The following GRIA1 variants were observed in gnomAD, a reference collection of about 807,000 sequenced individuals.
GRIA1 encodes the protein glutamate ionotropic receptor AMPA type subunit 1, also known as glutamate receptor 1.
Under a neutral mutation model 99.2 loss-of-function variants are expected in GRIA1, and 31 were observed. The observed-to-expected ratio is 0.31, with a 90% confidence interval of 0.23 to 0.42. The LOEUF (loss-of-function observed/expected upper bound fraction) is 0.42, where lower values mean the gene tolerates loss of function less well. GRIA1 is among the 10% of genes least tolerant of loss of function. The pLI, the probability that GRIA1 is intolerant of heterozygous loss-of-function variation, is 1.00. For synonymous variants in GRIA1, 438 were observed against 432.4 expected, an observed-to-expected ratio of 1.01 and a Z score of -0.16; for missense variants, 782 against 1,157.5, an observed-to-expected ratio of 0.68 and a Z score of 4.71.
At chr5:153,562,552 T>C (rs1386086606) in intron 2 of GRIA1, among the ~76,000 whole-genome samples, 1 of 152,224 alleles carries the variant, frequency 6.6e-6, no homozygotes, top group East Asian at 1.9e-4. Flanking sequence ...AATTCATGCA[T>C]GTCTTTGTAG....
chr5:153,788,481 T>A (rs1291648631), intron 13 of GRIA1, among the ~76,000 whole-genome samples: 1 of 152,188 alleles, frequency 6.6e-6, no homozygotes, highest in Non-Finnish European at 1.5e-5. Flanking sequence ...AATCCTGGCC[T>A]GCAGAGTCCC....
chr5:153,763,888 G>T (rs1223159344), intron 11 of GRIA1, among the ~76,000 whole-genome samples: 1 of 152,182 alleles, frequency 6.6e-6, no homozygotes, highest in Non-Finnish European at 1.5e-5. Context: ...ACAATGGTTG[G>T]ACTATGACTA....
chr5:153,810,429 A>G (rs1766737175), intron 15 of GRIA1, among the ~76,000 whole-genome samples: 1 of 152,252 alleles, frequency 6.6e-6, no homozygotes, highest in Admixed American at 6.5e-5. Context: ...TTTCTGAAGT[A>G]AATCAGAGGT....
chr5:153,780,123 CT>C (rs1302130833), intron 13 of GRIA1, among the ~76,000 whole-genome samples: 1 of 152,200 alleles, frequency 6.6e-6, no homozygotes, highest in Non-Finnish European at 1.5e-5. Flanking sequence ...AAAATAGCAT[CT>C]CTTTTTTTCC....
chr5:153,809,376 G>A (rs1766657201), intron 15 of GRIA1, among the ~76,000 whole-genome samples: 1 of 152,194 alleles, frequency 6.6e-6, no homozygotes. Context: ...TGGGTTTGAG[G>A]AGGAGACAGA....
At chr5:153,659,900 G>C (rs542495971) in intron 5 of GRIA1, among the ~76,000 whole-genome samples, 1 of 152,308 alleles carries the variant, frequency 6.6e-6, no homozygotes, top group Non-Finnish European at 1.5e-5. Flanking sequence ...GTGCCTTCTA[G>C]AGGAGTAATA....
chr5:153,537,239 T>C (rs1038441103), intron 2 of GRIA1, among the ~76,000 whole-genome samples: 2 of 152,164 alleles, frequency 1.3e-5, no homozygotes, highest in African/African-American at 4.8e-5. Flanking sequence ...TCCTGACACA[T>C]AAGAGGATCA....
At chr5:153,508,060 A>G (rs549651027) in intron 2 of GRIA1, among the ~76,000 whole-genome samples, 1 of 152,326 alleles carries the variant, frequency 6.6e-6, no homozygotes, top group African/African-American at 2.4e-5. Flanking sequence ...ACGTCCTGGG[A>G]AACAAATACA....
At chr5:153,799,762 A>C (rs912437432) in intron 14 of GRIA1, among the ~76,000 whole-genome samples, 2 of 152,034 alleles carry the variant, frequency 1.3e-5, no homozygotes, top group African/African-American at 4.8e-5. Flanking sequence ...ATCCCCCCTC[A>C]CACACATTGC....
chr5:153,793,422 G>A (rs1300895243), intron 13 of GRIA1, among the ~76,000 whole-genome samples: 3 of 152,182 alleles, frequency 2.0e-5, no homozygotes, highest in Non-Finnish European at 2.9e-5. Context: ...TAAACACTGG[G>A]CCTCAACTTA....
intron 2 of GRIA1, among the ~76,000 whole-genome samples, chr5:153,519,508 G>T (rs1461514752): frequency 6.6e-6 from 1 of 151,680 alleles, no homozygotes; most frequent in Non-Finnish European, 1.5e-5. Context: ...TGTGAGTGTA[G>T]ATTGCTCTCA....
intron 2 of GRIA1, among the ~76,000 whole-genome samples, chr5:153,606,625 G>A (rs1028041310): frequency 5.9e-5 from 9 of 151,266 alleles, no homozygotes; most frequent in Non-Finnish European, 8.9e-5. Context: ...TTATTTTGTA[G>A]GTATTCAATG....
chr5:153,730,629 T>G (rs73279105), intron 11 of GRIA1, among the ~76,000 whole-genome samples: 5 of 152,022 alleles, frequency 3.3e-5, no homozygotes, highest in Admixed American at 6.6e-5. Context: ...AAATAAAGAA[T>G]AAATTAGTAA....
intron 5 of GRIA1, among the ~76,000 whole-genome samples, chr5:153,672,627 T>G (rs770755076): frequency 5.3e-5 from 8 of 152,166 alleles, no homozygotes; most frequent in Non-Finnish European, 1.0e-4. Flanking sequence ...GGGGGAGGGT[T>G]GTTTTTGAAT....
At chr5:153,736,577 G>A (rs1237032406) in intron 11 of GRIA1, among the ~76,000 whole-genome samples, 1 of 152,112 alleles carries the variant, frequency 6.6e-6, no homozygotes, top group East Asian at 1.9e-4. Context: ...GGATGTTTGG[G>A]GGTAGCTGAA....
intron 14 of GRIA1, among the ~76,000 whole-genome samples, chr5:153,801,912 G>A (rs1015752695): frequency 3.5e-5 from 5 of 142,778 alleles, no homozygotes; most frequent in Admixed American, 7.2e-5. Flanking sequence ...TAAACAATGA[G>A]TGAGGCCAAT....
At chr5:153,498,745 T>A (rs1044452539) in intron 2 of GRIA1, among the ~76,000 whole-genome samples, 17 of 152,132 alleles carry the variant, frequency 1.1e-4, no homozygotes, top group African/African-American at 4.1e-4. Flanking sequence ...AAAAAAAAAC[T>A]TAGGGCATTA....
chr5:153,576,688 A>G (rs1477935001), intron 2 of GRIA1, among the ~76,000 whole-genome samples: 1 of 152,210 alleles, frequency 6.6e-6, no homozygotes, highest in African/African-American at 2.4e-5. Context: ...GAGTAGGCTT[A>G]GGCTTTAATC....
In GRIA1 at chr5:153,646,784, G is replaced by T. The variant is rs1329756219; in HGVS notation, c.221-144G>T. On this transcript the variant is annotated intron_variant, in intron 2 of 15. Coordinates refer to ENST00000285900, the MANE Select transcript of GRIA1 (RefSeq NM_000827.4). ...GTCGAAAGGATGAATGGATGGATTG[G>T]TTTGTTGGATGGGTAGATGGATAGA... The T allele has an allele frequency of 4.7e-6, 4 of 846,564 alleles. No individual in the cohort carries two copies. The African/African-American group carries it at 5.1e-5, about 11-fold the overall frequency. The allele number at this position is 846,564 out of a possible 1,614,324, so 52.4% of individuals were successfully genotyped here. A position where few individuals can be genotyped will look rare whatever the true frequency, so the allele number is the denominator to read the frequency against.
Sources: allele counts gnomAD v4.1 joint callset (sites outside exome capture counted in the v4.1 genomes callset), GRCh38; gene constraint gnomAD v4.1.1; transcripts MANE v1.5; gene names NCBI Gene and HGNC (gene_info 2026-07-23, HGNC 2026-07-21).